The following UROC1 variants were observed in gnomAD, a reference collection of about 807,000 sequenced individuals.
UROC1 encodes the protein urocanate hydratase 1.
Under a neutral mutation model 89.5 loss-of-function variants are expected in UROC1, and 79 were observed. The observed-to-expected ratio is 0.88, with a 90% CI of 0.74 to 1.06. The LOEUF is 1.06. Among genes scored for constraint, UROC1 ranks in the 50% least tolerant of loss-of-function variants. The pLI, the probability that UROC1 is intolerant of heterozygous loss-of-function variation, is 0.00. For missense variants in UROC1, 885 were observed against 907.8 expected, an observed-to-expected ratio of 0.97 and a Z score of 0.32; for synonymous variants, 361 against 354.8, an observed-to-expected ratio of 1.02 and a Z score of -0.20.
At chr3:126,516,812 G>A (rs1006369847) in intron 1 of UROC1, among the ~76,000 whole-genome samples, 2 of 148,984 alleles carry the variant, frequency 1.3e-5, no homozygotes. Flanking sequence ...GAAAAGTCCA[G>A]TGGGCTCCGG....
intron 13 of UROC1, 69 bp from the exon 14 acceptor site, chr3:126,498,241 A>G: frequency 1.2e-6 from 2 of 1,611,456 alleles, no homozygotes; most frequent in African/African-American, 1.3e-5. Context: ...AGGTGTGAGC[A>G]TGCCAGGGAG....
intron 16 of UROC1, among the ~76,000 whole-genome samples, chr3:126,492,143 G>A (rs1935669575): frequency 6.6e-6 from 1 of 151,914 alleles, no homozygotes; most frequent in Non-Finnish European, 1.5e-5. Flanking sequence ...CCCCAGCAGA[G>A]CCCTACTACT....
intron 17 of UROC1, 65 bp downstream of exon 17, chr3:126,489,211 A>C: frequency 6.9e-7 from 1 of 1,446,800 alleles, no homozygotes; most frequent in Non-Finnish European, 9.7e-7. Flanking sequence ...GACTGACTAA[A>C]TGCATCAATT....
At chr3:126,488,422 A>G in intron 17 of UROC1, 143 bp from the exon 18 acceptor site, 1 of 838,890 alleles carries the variant, frequency 1.2e-6, no homozygotes, top group Non-Finnish European at 2.0e-6. Flanking sequence ...AGGGCCTCTC[A>G]CAGCAGCAGT....
intron 18 of UROC1, among the ~76,000 whole-genome samples, chr3:126,486,765 C>T (rs963890012): frequency 5.9e-5 from 9 of 152,108 alleles, no homozygotes; most frequent in Non-Finnish European, 1.3e-4. Flanking sequence ...GGAGTAGCCA[C>T]GGTGGGGATG....
rs1470351376 is a variant in UROC1, at chr3:126,510,608, CT to C, written c.257+55del. 9 of 1,605,242 alleles carry C rather than the reference CT, an allele frequency of 5.6e-6. No homozygotes were observed. In the African/African-American group the frequency reaches 8.0e-5, roughly 14 times the overall value. On this transcript the variant is annotated intron_variant, in intron 2 of 19. Transcript: ENST00000290868. ...TTGTTCCTGGCCCCCAGCACAGTCC[CT>C]TGCGGGAGCTGCCTGCCCCTCGGGT...
At chr3:126,495,513 T>C (rs776179805) in intron 15 of UROC1, among the ~76,000 whole-genome samples, 1 of 152,214 alleles carries the variant, frequency 6.6e-6, no homozygotes, top group Non-Finnish European at 1.5e-5. Flanking sequence ...ATATTCCATC[T>C]CATGGTTAAC....
chr3:126,504,205 C>T (rs1936003884), intron 8 of UROC1, 122 bp from the exon 9 acceptor site: 1 of 960,174 alleles, frequency 1.0e-6, no homozygotes, highest in African/African-American at 1.6e-5. Context: ...TTCTATAACA[C>T]AGTCTCAGGG....
chr3:126,508,386 G>A, intron 4 of UROC1, 30 bp downstream of exon 4: 1 of 1,610,152 alleles, frequency 6.2e-7, no homozygotes. Flanking sequence ...AAGGCCAGGG[G>A]TGGGGACGAG....
chr3:126,500,021 G>A (rs1935878264), intron 12 of UROC1, 36 bp downstream of exon 12: 3 of 1,588,806 alleles, frequency 1.9e-6, no homozygotes, highest in Non-Finnish European at 1.7e-6. Context: ...CCAGGGTGGT[G>A]GCCCCTCCCT....
intron 1 of UROC1, among the ~76,000 whole-genome samples, chr3:126,515,143 CGGGAGCTGATCACAGCCACA>C (rs1161191701): frequency 2.0e-5 from 3 of 151,570 alleles, no homozygotes; most frequent in Admixed American, 2.0e-4. Context: ...CAAGACACCC[CGGGAGCTGATCACAGCCACA>C]GGGAGCTGAT....
chr3:126,512,986 C>T (rs1249979957), intron 1 of UROC1, among the ~76,000 whole-genome samples: 1 of 152,236 alleles, frequency 6.6e-6, no homozygotes, highest in Non-Finnish European at 1.5e-5. Context: ...CAATTTATTA[C>T]AGCAGACATG....
chr3:126,487,962 A>G (rs1009376147), intron 18 of UROC1, among the ~76,000 whole-genome samples: 3 of 152,222 alleles, frequency 2.0e-5, no homozygotes, highest in African/African-American at 7.2e-5. Flanking sequence ...GAGGCCCCTG[A>G]GACCCATGTG....
At chr3:126,504,782 C>T (rs1178649120) in intron 8 of UROC1, among the ~76,000 whole-genome samples, 1 of 152,180 alleles carries the variant, frequency 6.6e-6, no homozygotes, top group African/African-American at 2.4e-5. Context: ...AGGCTCCTTG[C>T]CTCCTCCACT....
chr3:126,495,136 C>T (rs1935748210), intron 15 of UROC1, among the ~76,000 whole-genome samples: 1 of 151,904 alleles, frequency 6.6e-6, no homozygotes, highest in African/African-American at 2.4e-5. Flanking sequence ...GAAGAACGAC[C>T]TGCCCAACTC....
At position 126,500,707 on chromosome 3, in the gene UROC1, A is replaced by T; in HGVS notation, c.1133T>A (p.Leu378Gln). The T allele has an allele frequency of 1.2e-6, 2 of 1,614,128 alleles. No individual in the cohort carries two copies. The highest frequency in any genetic ancestry group is 1.7e-6 in the Non-Finnish European group (2 of 1,180,024). ...MASNPAVFKD[L>Q]VQESLRRQVS... is the part of the protein sequence containing the mutation. ...CTCCAAGTAGCACCTTTCCTGGACC[A>T]GGTCCTTGAACACAGCAGGGTTGGA... The change falls in exon 11 of 20, where the codon CTG (leucine) becomes CAG (glutamine). Residue 378 changes from leucine to glutamine, a missense_variant. By Grantham distance (113) the Leu-to-Gln change is moderately radical. Coordinates refer to ENST00000290868, the MANE Select transcript of UROC1 (RefSeq NM_144639.3).
At chr3:126,498,013 G>A in intron 14 of UROC1, 38 bp downstream of exon 14, 5 of 1,613,490 alleles carry the variant, frequency 3.1e-6, no homozygotes, top group African/African-American at 1.3e-5. Context: ...GCTTTGGGGG[G>A]GCCACCCACC....
intron 10 of UROC1, 94 bp from the exon 11 acceptor site, chr3:126,500,968 C>T (rs1190310383): frequency 6.5e-7 from 1 of 1,534,042 alleles, no homozygotes; most frequent in African/African-American, 1.4e-5. Context: ...CATTTTCCCA[C>T]CCACAAATCC....
intron 11 of UROC1, 149 bp downstream of exon 11, chr3:126,500,546 G>T: frequency 1.0e-6 from 1 of 972,828 alleles, no homozygotes; most frequent in Non-Finnish European, 1.6e-6. Context: ...TCATGACTCC[G>T]TCTGATGGGT....
Sources: gnomAD v4.1 joint callset for allele counts (sites outside exome capture counted in the v4.1 genomes callset) on GRCh38, gnomAD v4.1.1 for gene constraint, MANE v1.5 for transcripts, NCBI Gene and HGNC (gene_info 2026-07-23, HGNC 2026-07-21) for gene names.